KTN1: variants seen among roughly 807,000 people sequenced by gnomAD.
KTN1 encodes kinectin.
In KTN1, 130 loss-of-function variants were observed where a neutral mutation model predicts 222.5. The observed-to-expected ratio is 0.58, with a 90% CI of 0.51 to 0.68. The LOEUF (loss-of-function observed/expected upper bound fraction) is 0.68, where lower values mean the gene tolerates loss of function less well. Ranked by LOEUF, KTN1 falls within the 30% of genes least tolerant of loss-of-function variation. The pLI is 0.00. For missense variants in KTN1, 1,508 were observed against 1,500.4 expected, an observed-to-expected ratio of 1.01 and a Z score of -0.08; for synonymous variants, 512 against 496.3, an observed-to-expected ratio of 1.03 and a Z score of -0.42.
intron 6 of KTN1, among the ~76,000 whole-genome samples, chr14:55,628,461 A>G (rs2040120110): frequency 6.6e-6 from 1 of 152,250 alleles, no homozygotes; most frequent in Non-Finnish European, 1.5e-5. Context: ...TTCACATCTC[A>G]GAAATTTTAC....
chr14:55,584,708 TAACCCTC>T (rs1203185090), intron 1 of KTN1, among the ~76,000 whole-genome samples: 2 of 151,004 alleles, frequency 1.3e-5, no homozygotes, highest in Non-Finnish European at 3.0e-5. Flanking sequence ...CTCTTCCACA[TAACCCTC>T]AAACACAGTA....
Position 55,637,219 on chromosome 14 carries a change from C to T in KTN1, c.1571C>T (p.Ala524Val). Residue 524 changes from alanine (A) to valine (V), a missense_variant, in exon 11 of 44, where the codon GCC becomes GTC. Physicochemically the swap from Ala to Val is moderately conservative, Grantham distance 64. Transcript: ENST00000395314. The part of the protein sequence containing the change: ...AQQDLQSKFV[A>V]KENEVQSLHS... ...ACAGATTTACAGAGTAAATTTGTGG[C>T]CAAAGAAAATGAAGTACAGAGTCTG... The T allele has an allele frequency of 6.3e-7, 1 of 1,599,598 alleles. No homozygotes were observed. Among genetic ancestry groups the T allele is most frequent in the Non-Finnish European group, 8.5e-7 (1 of 1,172,448 alleles).
chr14:55,636,595 CTCTT>C, intron 10 of KTN1, 59 bp downstream of exon 10: 2 of 1,235,460 alleles, frequency 1.6e-6, no homozygotes, highest in Non-Finnish European at 2.3e-6. Flanking sequence ...AATTTCCTCT[CTCTT>C]CCATCTGTGA....
At chr14:55,667,164 C>G (rs761058342) in intron 33 of KTN1, 77 bp from the exon 34 acceptor site, 1 of 895,942 alleles carries the variant, frequency 1.1e-6, no homozygotes, top group Non-Finnish European at 1.7e-6. Context: ...TTATAAAACA[C>G]TATAGTTTTT....
intron 33 of KTN1, among the ~76,000 whole-genome samples, chr14:55,664,951 T>C (rs914699463): frequency 1.3e-5 from 2 of 151,950 alleles, no homozygotes; most frequent in African/African-American, 2.4e-5. Context: ...TAAGTCTTAG[T>C]GACACCTGAA....
chr14:55,622,972 C>A (rs1309025070), intron 5 of KTN1, among the ~76,000 whole-genome samples: 1 of 152,160 alleles, frequency 6.6e-6, no homozygotes, highest in African/African-American at 2.4e-5. Context: ...GTTCTTCTGT[C>A]ATACCAGACT....
intron 6 of KTN1, 115 bp downstream of exon 6, chr14:55,628,143 TAA>T: frequency 1.5e-6 from 1 of 662,312 alleles, no homozygotes; most frequent in Non-Finnish European, 2.6e-6. Flanking sequence ...CCAACAAAAG[TAA>T]CTTTCCTTTA....
intron 5 of KTN1, among the ~76,000 whole-genome samples, chr14:55,623,674 A>G (rs2039446619): frequency 6.6e-6 from 1 of 152,180 alleles, no homozygotes; most frequent in Non-Finnish European, 1.5e-5. Context: ...CCTAGCCTTG[A>G]TATTGATTAA....
At chr14:55,674,043 A>C (rs1444110759) in intron 40 of KTN1, 1 of 152,034 alleles carries the variant, frequency 6.6e-6, no homozygotes, top group Non-Finnish European at 1.5e-5. Flanking sequence ...AGAAGATTAC[A>C]GTAGTAAGTT....
At chr14:55,588,479 G>A (rs2033478948) in intron 1 of KTN1, among the ~76,000 whole-genome samples, 1 of 152,080 alleles carries the variant, frequency 6.6e-6, no homozygotes, top group South Asian at 2.1e-4. Flanking sequence ...ACAGTGTTGT[G>A]CTAAAAATGA....
chr14:55,661,242 C>T (rs2141223319), intron 31 of KTN1: 1 of 234,036 alleles, frequency 4.3e-6, no homozygotes, highest in East Asian at 8.7e-5. Flanking sequence ...ATAGCTACAA[C>T]AGTTCATATC....
Position 55,659,654 on chromosome 14 carries a change from C to T in KTN1, c.2962-12C>T. On this transcript the variant is annotated splice_polypyrimidine_tract_variant and intron_variant, in intron 30 of 43. Coordinates refer to ENST00000395314, the MANE Select transcript of KTN1 (RefSeq NM_001079521.2). ...AGTTTTGTTCTGAAATAACATTTAACTCTTTTGATAGGCATCTTCTTTTCC... is the reference window on the plus strand; with the variant it reads ...AGTTTTGTTCTGAAATAACATTTAATTCTTTTGATAGGCATCTTCTTTTCC... The T allele has an allele frequency of 6.9e-7, 1 of 1,459,288 alleles. No homozygotes were observed. Among genetic ancestry groups the T allele is most frequent in the South Asian group, 1.1e-5 (1 of 87,010 alleles). The allele number at this position is 1,459,288 out of a possible 1,614,324, so 90.4% of individuals were successfully genotyped here.
At chr14:55,654,876 C>G (rs1259089262) in intron 28 of KTN1, among the ~76,000 whole-genome samples, 1 of 152,178 alleles carries the variant, frequency 6.6e-6, no homozygotes, top group East Asian at 1.9e-4. Flanking sequence ...CACATCCCGG[C>G]AGCACCCCCC....
intron 18 of KTN1, 74 bp from the exon 19 acceptor site, chr14:55,646,899 A>G: frequency 2.1e-6 from 2 of 945,938 alleles, no homozygotes; most frequent in Non-Finnish European, 3.4e-6. Context: ...TTTTCACAAA[A>G]TTACATTTCT....
intron 1 of KTN1, among the ~76,000 whole-genome samples, chr14:55,581,496 G>A (rs2140273939): frequency 6.6e-6 from 1 of 151,968 alleles, no homozygotes; most frequent in African/African-American, 2.4e-5. Flanking sequence ...AAAGCCTTGA[G>A]TAAAGAGCTA....
In KTN1 at chr14:55,661,495, G is replaced by T. The variant is rs764889088; in HGVS notation, c.3000-27G>T. The stretch of plus-strand genomic sequence containing the variant: ...TGTATTACTGTTTACCTAAAATCTT[G>T]CTACATGTATTCATGTTCTGGTTTA... On this transcript the variant is annotated intron_variant, in intron 31 of 43. Coordinates refer to ENST00000395314, the MANE Select transcript of KTN1 (RefSeq NM_001079521.2). 5 of 1,204,770 alleles carry T rather than the reference G, an allele frequency of 4.2e-6. No individual in the cohort carries two copies. The South Asian group carries it at 6.1e-5, about 15-fold the overall frequency. The allele number at this position is 1,204,770 out of a possible 1,614,324, so 74.6% of individuals were successfully genotyped here.
intron 18 of KTN1, among the ~76,000 whole-genome samples, chr14:55,646,030 G>A (rs1595068550): frequency 6.6e-6 from 1 of 152,126 alleles, no homozygotes; most frequent in South Asian, 2.1e-4. Context: ...TTTTGGTCAG[G>A]CTGCTTGGCT....
intron 18 of KTN1, among the ~76,000 whole-genome samples, chr14:55,643,673 T>C (rs1290694727): frequency 6.6e-6 from 1 of 152,204 alleles, no homozygotes; most frequent in Non-Finnish European, 1.5e-5. Flanking sequence ...TGTTCTTTGC[T>C]AAAAATGGTA....
Position 55,612,168 on chromosome 14 carries a change from A to G in KTN1, c.120A>G (p.Lys40=). The G allele has an allele frequency of 6.3e-7, 1 of 1,584,934 alleles. No individual in the cohort carries two copies. The highest frequency in any genetic ancestry group is 8.5e-7 in the Non-Finnish European group (1 of 1,172,352). Residue 40 remains lysine (K), a synonymous_variant, in exon 2 of 44, where the codon AAA becomes AAG. Transcript: ENST00000395314. ...CATTATATGATGAAGTTCTTGCAAA[A>G]CAGAAAAGAGAACAAAAGCTTATTC... ...KETLYDEVLA[K]QKREQKLIPT...
Sources: allele counts gnomAD v4.1 joint callset (sites outside exome capture counted in the v4.1 genomes callset), GRCh38; gene constraint gnomAD v4.1.1; transcripts MANE v1.5; gene names NCBI Gene and HGNC (gene_info 2026-07-23, HGNC 2026-07-21).